The following ARL10 variants were observed in gnomAD, a reference collection of about 807,000 sequenced individuals.
ARL10 encodes the protein ARF like GTPase 10.
In ARL10, 23 loss-of-function variants were observed where a neutral mutation model predicts 26.1. The observed-to-expected ratio is 0.88, with a 90% CI of 0.63 to 1.25. The LOEUF (loss-of-function observed/expected upper bound fraction) is 1.25. ARL10 is among the 50% of genes most tolerant of loss of function. ARL10 has a pLI of 0.00. For missense variants in ARL10, 300 were observed against 323.6 expected (o/e 0.93, Z 0.56); for synonymous variants, 138 against 149.1 (o/e 0.93, Z 0.54).
Position 176,375,706 on chromosome 5 carries a change from G to A in ARL10, c.*3811G>A, listed in dbSNP as rs1768681713. On this transcript the variant is annotated 3_prime_UTR_variant, in exon 4 of 4. Transcript: ENST00000310389. ...GCTGGAAAGTGGGGGCCACCTGGTA[G>A]CATTTGAGCAGGGGTCACTTATGTT... 1.3e-5 allele frequency: 2 copies of A among 152,172 alleles called. No individual in the cohort carries two copies. The highest frequency in any genetic ancestry group is 4.1e-4 in the South Asian group (2 of 4,822). The allele number at this position is 152,172 out of a possible 1,614,324, so 9.4% of individuals were successfully genotyped here.
Position 176,366,577 on chromosome 5 carries a change from AG to A in ARL10, c.382del (p.Glu128LysfsTer16). 6.2e-7 allele frequency: 1 copy of A among 1,613,934 alleles called. No individual in the cohort carries two copies. Among genetic ancestry groups the A allele is most frequent in the Non-Finnish European group, 8.5e-7 (1 of 1,179,956 alleles). Reference sequence around the variant, plus strand: ...CCAAGGACTTTGAGGTGGACCTGCTAGAAAGTGAGCGGACACCCTACCCCAT... The same window carrying A: ...CCAAGGACTTTGAGGTGGACCTGCTAAAAGTGAGCGGACACCCTACCCCAT... ...PTKDFEVDLLEIGGSQNLRFY... is the reference protein window; with the variant it reads ...PTKDFEVDLLXIGGSQNLRFY... On this transcript the variant is annotated frameshift_variant, in exon 2 of 4. Coordinates refer to ENST00000310389, the MANE Select transcript of ARL10 (RefSeq NM_173664.6). LOFTEE classifies it high-confidence loss of function.
At chr5:176,412,158 A>G in the ARL10 span, among the ~76,000 whole-genome samples, 1 of 147,770 alleles carries the variant, frequency 6.8e-6, no homozygotes, top group Non-Finnish European at 1.5e-5. Context: ...CCTGGGCGAC[A>G]GAGTGAGACT....
At position 176,366,583 on chromosome 5, in the gene ARL10, T is replaced by A; in HGVS notation, c.385+2T>A. On this transcript the variant is annotated splice_donor_variant, in intron 2 of 3. Transcript: ENST00000310389. LOFTEE classifies it high-confidence loss of function. ...ACTTTGAGGTGGACCTGCTAGAAAG[T>A]GAGCGGACACCCTACCCCATCTCCC... 1 of 1,613,796 alleles carries A rather than the reference T, an allele frequency of 6.2e-7. No homozygotes were observed. The highest frequency in any genetic ancestry group is 8.5e-7 in the Non-Finnish European group (1 of 1,179,934).
In ARL10 at chr5:176,381,523, G is replaced by A. The variant is rs1477987490; in HGVS notation, c.*9628G>A. ...AAAGCGATGGTTCAGAATGTGTGCA[G>A]GCTATATTTATAAGCAAAGAAACGG... On this transcript the variant is annotated 3_prime_UTR_variant, in exon 4 of 4. Coordinates refer to ENST00000310389, the MANE Select transcript of ARL10 (RefSeq NM_173664.6). 2.0e-5 allele frequency: 3 copies of A among 152,226 alleles called. No individual in the cohort carries two copies. Among genetic ancestry groups the A allele is most frequent in the Non-Finnish European group, 2.9e-5 (2 of 68,046 alleles). 9.4% of individuals were successfully genotyped at this position (152,226 alleles called of 1,614,324 possible).
In ARL10 at chr5:176,368,772, G is replaced by T; in HGVS notation, c.386-35G>T. 6.4e-7 allele frequency: 1 copy of T among 1,574,372 alleles called. No individual in the cohort carries two copies. The highest frequency in any genetic ancestry group is 1.2e-5 in the South Asian group (1 of 84,552). ...GGCTGTGGGCAGTGAGCGGGGGCCC[G>T]GGAGGCTCTGAGCTGGCCCCTGGCC... On this transcript the variant is annotated intron_variant, in intron 2 of 3. Coordinates refer to ENST00000310389, the MANE Select transcript of ARL10 (RefSeq NM_173664.6). This position sits in a 1 kb window ranked among gnomAD's most constrained non-coding sequence, Gnocchi z 4.1.
intron 3 of ARL10, 78 bp from the exon 4 acceptor site, chr5:176,371,642 AGT>A (rs978984261): frequency 1.6e-5 from 18 of 1,133,396 alleles, no homozygotes; most frequent in Non-Finnish European, 2.2e-5. Flanking sequence ...GCCTAAGAAC[AGT>A]GTGTTTCATG....
the ARL10 span, among the ~76,000 whole-genome samples, chr5:176,411,347 T>C: frequency 8.6e-5 from 13 of 152,024 alleles, no homozygotes; most frequent in African/African-American, 2.4e-4. Context: ...GAAAACAAAC[T>C]CCAAAGAAAT....
At chr5:176,370,621 G>A (rs1421497683) in intron 3 of ARL10, among the ~76,000 whole-genome samples, 3 of 152,130 alleles carry the variant, frequency 2.0e-5, no homozygotes, top group African/African-American at 4.8e-5. Flanking sequence ...AATAGTGCCC[G>A]CTCTGAGCCT....
In ARL10 at chr5:176,365,702, T is replaced by C. The variant is rs1320816884; in HGVS notation, c.139T>C (p.Trp47Arg). ...ERRWDRGEAW[W>R]GAEAARLPEW... ...GCGCTGGGACCGGGGAGAGGCCTGGTGGGGCGCGGAGGCTGCCCGCCTCCC... is the reference window on the plus strand; with the variant it reads ...GCGCTGGGACCGGGGAGAGGCCTGGCGGGGCGCGGAGGCTGCCCGCCTCCC... Residue 47 changes from tryptophan to arginine, a missense_variant, in exon 1 of 4, where the codon TGG becomes CGG. Coordinates refer to ENST00000310389, the MANE Select transcript of ARL10 (RefSeq NM_173664.6). The C allele has an allele frequency of 2.4e-6, 3 of 1,239,962 alleles. No individual in the cohort carries two copies. Among genetic ancestry groups the C allele is most frequent in the Non-Finnish European group, 2.0e-6 (2 of 990,516 alleles). 76.8% of individuals were successfully genotyped at this position (1,239,962 alleles called of 1,614,324 possible). A position where few individuals can be genotyped will look rare whatever the true frequency, so the allele number is the denominator to read the frequency against.
chr5:176,404,319 C>A (rs187872211), downstream of ARL10, among the ~76,000 whole-genome samples: 3 of 152,266 alleles, frequency 2.0e-5, no homozygotes, highest in Non-Finnish European at 4.4e-5. Context: ...GACGCACCCC[C>A]ACACACCACC....
At chr5:176,388,462 A>G in exon 2 of ARL10, 1 of 1,614,172 alleles carries the variant, frequency 6.2e-7, no homozygotes. Flanking sequence ...CCTTCCGTCG[A>G]GCATTCCGGT....
chr5:176,402,419 T>C (rs1756869631), downstream of ARL10, among the ~76,000 whole-genome samples: 1 of 152,256 alleles, frequency 6.6e-6, no homozygotes, highest in African/African-American at 2.4e-5. Flanking sequence ...TCGTGCACTC[T>C]TGCCACACTG....
downstream of ARL10, among the ~76,000 whole-genome samples, chr5:176,393,415 CA>C (rs1756345817): frequency 6.6e-6 from 1 of 152,196 alleles, no homozygotes; most frequent in South Asian, 2.1e-4. The surrounding 1 kb of genome is among the most constrained non-coding windows in gnomAD (Gnocchi z 4.4). Flanking sequence ...CTAACAGAAG[CA>C]CCTAGTTCAG....
At chr5:176,371,330 C>A (rs1248284215) in intron 3 of ARL10, among the ~76,000 whole-genome samples, 1 of 152,176 alleles carries the variant, frequency 6.6e-6, no homozygotes, top group Non-Finnish European at 1.5e-5. Context: ...TTGCAGTGAG[C>A]CAAGATCGTG....
intron 3 of ARL10, chr5:176,369,210 C>T: frequency 2.6e-6 from 4 of 1,516,630 alleles, no homozygotes; most frequent in Non-Finnish European, 1.8e-6. Context: ...TTAAGTGCCT[C>T]CTATATGCCA....
intron 1 of ARL10, 33 bp from the exon 2 acceptor site, chr5:176,366,347 G>T: frequency 1.3e-6 from 2 of 1,570,116 alleles, no homozygotes; most frequent in African/African-American, 2.7e-5. Context: ...TCGGGAGGCC[G>T]CCAGCCGCAA....
At chr5:176,389,713 C>T (rs561183224), downstream of ARL10, 96 of 478,044 alleles carry the variant, frequency 2.0e-4, no homozygotes, top group Non-Finnish European at 2.7e-4. Flanking sequence ...TGCCACATCT[C>T]CCCTCCACTC....
At chr5:176,385,877 A>G (rs564040460), downstream of ARL10, 2 of 152,816 alleles carry the variant, frequency 1.3e-5, no homozygotes, top group Admixed American at 6.5e-5. Flanking sequence ...CTTTTAAAAT[A>G]GACAGGCAAA....
At chr5:176,386,696 C>T (rs1476156484), downstream of ARL10, 1 of 769,636 alleles carries the variant, frequency 1.3e-6, no homozygotes, top group East Asian at 2.5e-5. Context: ...AGGACACAGT[C>T]CTAACTCTGT....
Sources: allele counts gnomAD v4.1 joint callset (sites outside exome capture counted in the v4.1 genomes callset), GRCh38; gene constraint gnomAD v4.1.1; non-coding constraint Gnocchi (gnomAD v3.1); transcripts MANE v1.5; gene names NCBI Gene and HGNC (gene_info 2026-07-23, HGNC 2026-07-21).